STRN3: variants seen among roughly 807,000 people sequenced by gnomAD.
The protein encoded by STRN3 is striatin-3.
Under a neutral mutation model 95.6 loss-of-function variants are expected in STRN3, and 29 were observed. The ratio of observed to expected loss-of-function variants is 0.30; its 90% confidence interval spans 0.23 to 0.41. The LOEUF (loss-of-function observed/expected upper bound fraction) is 0.41, where lower values mean the gene tolerates loss of function less well. STRN3 is among the 10% of genes least tolerant of loss of function. The pLI, the probability that STRN3 is intolerant of heterozygous loss-of-function variation, is 1.00. For synonymous variants in STRN3, 331 were observed against 357.6 expected, an observed-to-expected ratio of 0.93 and a Z score of 0.84; for missense variants, 890 against 972.1, an observed-to-expected ratio of 0.92 and a Z score of 1.12.
At chr14:30,904,639 TTAGAAAATCTTTCAA>T (rs1246009374) in intron 15 of STRN3, among the ~76,000 whole-genome samples, 1 of 151,932 alleles carries the variant, frequency 6.6e-6, no homozygotes, top group South Asian at 2.1e-4. Context: ...AATGATAAAA[TTAGAAAATCTTTCAA>T]TAGAAAATGA....
intron 1 of STRN3, among the ~76,000 whole-genome samples, chr14:30,985,441 T>C (rs998471065): frequency 2.6e-5 from 4 of 151,900 alleles, no homozygotes; most frequent in Non-Finnish European, 4.4e-5. Context: ...CCGTCTCTAC[T>C]AAAAATACAA....
intron 5 of STRN3, among the ~76,000 whole-genome samples, chr14:30,938,619 T>C (rs1217600118): frequency 2.0e-5 from 3 of 152,010 alleles, no homozygotes; most frequent in South Asian, 2.1e-4. Flanking sequence ...AAAGAAAGAA[T>C]TGGTCAATCA....
At chr14:30,976,413 T>C (rs1223581649) in intron 1 of STRN3, among the ~76,000 whole-genome samples, 1 of 151,992 alleles carries the variant, frequency 6.6e-6, no homozygotes, top group Non-Finnish European at 1.5e-5. Flanking sequence ...AATACATGAA[T>C]CCACTATTAT....
At chr14:30,953,723 G>A (rs1021680294) in intron 3 of STRN3, among the ~76,000 whole-genome samples, 4 of 152,048 alleles carry the variant, frequency 2.6e-5, no homozygotes, top group East Asian at 1.9e-4. Context: ...TTGACCTCCC[G>A]GGCTCACGCA....
At chr14:31,008,462 T>G (rs981374819) in intron 1 of STRN3, among the ~76,000 whole-genome samples, 1 of 152,044 alleles carries the variant, frequency 6.6e-6, no homozygotes, top group Non-Finnish European at 1.5e-5. Flanking sequence ...GAGCCATGAT[T>G]ACACCACTGC....
At chr14:30,957,870 C>T (rs1482958011) in intron 1 of STRN3, among the ~76,000 whole-genome samples, 1 of 152,056 alleles carries the variant, frequency 6.6e-6, no homozygotes, top group East Asian at 1.9e-4. Context: ...TGCATTTGTT[C>T]AGTATGAGAA....
chr14:30,935,087 C>T, intron 7 of STRN3, 76 bp downstream of exon 7: 1 of 1,552,856 alleles, frequency 6.4e-7, no homozygotes, highest in Non-Finnish European at 8.7e-7. Context: ...TACACACATT[C>T]CACATATAAT....
Position 30,914,439 on chromosome 14 carries a change from A to ACTGCAACCTCCG in STRN3, c.1241-783_1241-782insCGGAGGTTGCAG, listed in dbSNP as rs1566432364. Among the ~76,000 whole-genome samples the ACTGCAACCTCCG allele has an allele frequency of 1.4e-4, 22 of 152,166 alleles. No homozygotes were observed. In the East Asian group the frequency reaches 4.1e-3, roughly 28 times the overall value. ...GCGATCTCGGTTCACTGCAACCTCC[A>ACTGCAACCTCCG]CCTCCTAGGTTCAAGCAATTCTCCT... On this transcript the variant is annotated intron_variant, in intron 9 of 17. Transcript: ENST00000357479.
intron 5 of STRN3, among the ~76,000 whole-genome samples, chr14:30,941,881 C>T (rs556877499): frequency 1.3e-4 from 20 of 152,324 alleles, no homozygotes; most frequent in African/African-American, 3.8e-4. Context: ...CCACCTCAGC[C>T]TCCCAAAGTG....
chr14:30,975,483 C>T (rs956701128), intron 1 of STRN3, among the ~76,000 whole-genome samples: 13 of 146,802 alleles, frequency 8.9e-5, no homozygotes, highest in African/African-American at 3.0e-4. Flanking sequence ...GCGTCAAAAT[C>T]TCAGAAATCA....
intron 1 of STRN3, among the ~76,000 whole-genome samples, chr14:30,959,900 C>T (rs946057185): frequency 2.6e-5 from 4 of 152,140 alleles, no homozygotes; most frequent in Non-Finnish European, 5.9e-5. Context: ...ACAACCTAAA[C>T]GGACTAGCTG....
At chr14:30,991,794 G>C (rs1881967907) in intron 1 of STRN3, among the ~76,000 whole-genome samples, 2 of 151,932 alleles carry the variant, frequency 1.3e-5, no homozygotes, top group Non-Finnish European at 1.5e-5. Context: ...TATTATAAAA[G>C]ACCTTATCAG....
At chr14:30,939,413 GA>G (rs1878984717) in intron 5 of STRN3, among the ~76,000 whole-genome samples, 1 of 152,134 alleles carries the variant, frequency 6.6e-6, no homozygotes, top group Non-Finnish European at 1.5e-5. Context: ...TGGAGTTGAT[GA>G]AGAGTAGAAA....
chr14:31,025,326 G>A (rs1346157106), intron 1 of STRN3: 1 of 155,450 alleles, frequency 6.4e-6, no homozygotes, highest in Admixed American at 6.2e-5. Flanking sequence ...GTTGACGATG[G>A]GAAATAAAAC....
chr14:30,965,325 A>C (rs1175748641), intron 1 of STRN3, among the ~76,000 whole-genome samples: 1 of 152,196 alleles, frequency 6.6e-6, no homozygotes, highest in East Asian at 1.9e-4. Flanking sequence ...CATGCTTTGG[A>C]TGTTATATAG....
intron 1 of STRN3, among the ~76,000 whole-genome samples, chr14:31,013,191 A>ACC (rs900782287): frequency 6.6e-6 from 1 of 151,498 alleles, no homozygotes; most frequent in Non-Finnish European, 1.5e-5. Context: ...ACACAGGGAG[A>ACC]CCCCCATCTC....
chr14:31,021,199 T>C (rs1883490102), intron 1 of STRN3, among the ~76,000 whole-genome samples: 1 of 152,022 alleles, frequency 6.6e-6, no homozygotes, highest in African/African-American at 2.4e-5. Context: ...ATGGATGTAT[T>C]GAATTTGAGG....
intron 8 of STRN3, among the ~76,000 whole-genome samples, chr14:30,921,864 T>C (rs72668352): frequency 0.32 from 48,476 of 152,066 alleles, 9,464 homozygotes; most frequent in Non-Finnish European, 0.43. Flanking sequence ...CTTTTATTTA[T>C]TTTTTAATTT....
At chr14:30,962,268 C>G (rs1168334503) in intron 1 of STRN3, among the ~76,000 whole-genome samples, 1 of 152,050 alleles carries the variant, frequency 6.6e-6, no homozygotes, top group Admixed American at 6.6e-5. Context: ...GTACAATGTG[C>G]TTGTTTTAAA....
Sources: gnomAD v4.1 joint callset for allele counts (sites outside exome capture counted in the v4.1 genomes callset) on GRCh38, gnomAD v4.1.1 for gene constraint, MANE v1.5 for transcripts, NCBI Gene and HGNC (gene_info 2026-07-23, HGNC 2026-07-21) for gene names.